Variants in RBP7 observed in about 807,000 individuals in gnomAD.
The protein encoded by RBP7 is retinol binding protein 7, also known as retinoid-binding protein 7.
RBP7 carries 13 observed loss-of-function variants against 16.7 expected under a neutral mutation model. The observed-to-expected ratio is 0.78, with a 90% CI of 0.51 to 1.24. The LOEUF (loss-of-function observed/expected upper bound fraction) is 1.24, where lower values mean the gene tolerates loss of function less well. RBP7 is among the 50% of genes most tolerant of loss of function. The probability of loss-of-function intolerance (pLI) is 0.00; values close to 1 mark genes in which losing one functional copy is unlikely to be tolerated. For missense variants in RBP7, 145 were observed against 159.5 expected, an observed-to-expected ratio of 0.91 and a Z score of 0.49; for synonymous variants, 54 against 56.2, an observed-to-expected ratio of 0.96 and a Z score of 0.17.
chr1:10,012,754 C>T (rs1310975201), intron 3 of RBP7, among the ~76,000 whole-genome samples: 2 of 151,466 alleles, frequency 1.3e-5, no homozygotes, highest in Non-Finnish European at 2.9e-5. Flanking sequence ...GCCAGCATGG[C>T]GAAACCCCGT....
At position 10,015,968 on chromosome 1, in the gene RBP7, A is replaced by G. The variant is rs890160846; in HGVS notation, c.*136A>G. ...GAGAGCCACACAGCGTGTAACCTGA[A>G]GTCATCTAGATTATGGGGAAACTGC... On this transcript the variant is annotated 3_prime_UTR_variant, in exon 4 of 4. Coordinates refer to ENST00000294435, the MANE Select transcript of RBP7 (RefSeq NM_052960.3). 5.6e-6 allele frequency: 4 copies of G among 713,894 alleles called. No individual in the cohort carries two copies. The highest frequency in any genetic ancestry group is 9.7e-6 in the Non-Finnish European group (4 of 410,462). 44.2% of individuals were successfully genotyped at this position (713,894 alleles called of 1,614,324 possible).
intron 2 of RBP7, 47 bp downstream of exon 2, chr1:10,007,795 C>T (rs747383515): frequency 3.0e-5 from 47 of 1,577,368 alleles, no homozygotes; most frequent in Middle Eastern, 1.7e-4. Context: ...GCTTGTAATC[C>T]TAACACTTTG....
At chr1:9,998,407 C>CTTTTTTTTT (rs772810621) in intron 1 of RBP7, among the ~76,000 whole-genome samples, 13 of 121,574 alleles carry the variant, frequency 1.1e-4, no homozygotes, top group African/African-American at 3.0e-4. Context: ...TTCTTTCTTT[C>CTTTTTTTTT]TTTTTTTTTT....
At chr1:10,009,465 A>AAC (rs1302664497) in intron 3 of RBP7, among the ~76,000 whole-genome samples, 1 of 152,146 alleles carries the variant, frequency 6.6e-6, no homozygotes, top group African/African-American at 2.4e-5. Context: ...CCACCCAGGA[A>AAC]ACACAGACTC....
At position 10,008,085 on chromosome 1, in the gene RBP7, G is replaced by A. The variant is rs1265178039; in HGVS notation, c.253-88G>A. 24 of 800,802 alleles carry A rather than the reference G, an allele frequency of 3.0e-5. 1 individual carries two copies. Among genetic ancestry groups the A allele is most frequent in the South Asian group, 2.0e-4 (13 of 65,206 alleles). 49.6% of individuals were successfully genotyped at this position (800,802 alleles called of 1,614,324 possible). A position where few individuals can be genotyped will look rare whatever the true frequency, so the allele number is the denominator to read the frequency against. On this transcript the variant is annotated intron_variant, in intron 2 of 3. Transcript: ENST00000294435. ...AAAAAAAAGCAGTAAGTAGGCTGTT[G>A]ATTTTGCAAGGGTAACTTGGCATTC...
intron 1 of RBP7, among the ~76,000 whole-genome samples, chr1:10,005,465 G>C (rs966653435): frequency 6.6e-6 from 1 of 152,078 alleles, no homozygotes; most frequent in Non-Finnish European, 1.5e-5. Flanking sequence ...GCCTCCAGAA[G>C]TGTTGGGATT....
intron 1 of RBP7, among the ~76,000 whole-genome samples, chr1:9,999,174 G>A (rs1287305308): frequency 6.6e-6 from 1 of 152,102 alleles, no homozygotes; most frequent in Non-Finnish European, 1.5e-5. Flanking sequence ...TGTAAGACGT[G>A]CCTTTTGCCT....
chr1:10,010,210 G>T, intron 3 of RBP7, among the ~76,000 whole-genome samples: 1 of 152,194 alleles, frequency 6.6e-6, no homozygotes, highest in African/African-American at 2.4e-5. Flanking sequence ...CTGCCTTCTG[G>T]GTTCAAGCAA....
rs775981100 is a variant in RBP7 at position 9,997,265 on chromosome 1, G to C, written c.7G>C (p.Ala3Pro). The change falls in exon 1 of 4, where the codon GCC becomes CCC. Residue 3 changes from alanine to proline, a missense_variant. By Grantham distance (27) the Ala-to-Pro change is conservative. Coordinates refer to ENST00000294435, the MANE Select transcript of RBP7 (RefSeq NM_052960.3). The surrounding 1 kb of genome is among the most constrained non-coding windows in gnomAD (Gnocchi z 5.9). MP[A>P]DLSGTWTLLS... ...TGTCCCGCGATCCCCGACCATGCCC[G>C]CCGACCTCAGCGGTACTTGGACCCT... is the stretch of plus-strand genomic sequence containing the variant. 3 of 1,457,794 alleles carry C rather than the reference G, an allele frequency of 2.1e-6. No individual in the cohort carries two copies. The South Asian group carries it at 3.4e-5, about 16-fold the overall frequency. 90.3% of individuals were successfully genotyped at this position (1,457,794 alleles called of 1,614,324 possible). A position where few individuals can be genotyped will look rare whatever the true frequency, so the allele number is the denominator to read the frequency against.
At chr1:10,003,493 G>T (rs1267749570) in intron 1 of RBP7, among the ~76,000 whole-genome samples, 1 of 152,148 alleles carries the variant, frequency 6.6e-6, no homozygotes, top group Non-Finnish European at 1.5e-5. Context: ...GTAACTAGAA[G>T]TGGGTATAAA....
rs141424928 is a variant in RBP7, at chr1:10,008,245, C to T, written c.325C>T (p.His109Tyr). ...KGEKKNRGWT[H>Y]WIEGDKLHLE... Reference sequence around the variant, plus strand: ...AGAAAAGAAGAACAGAGGCTGGACCCATTGGATCGAAGGAGACAAACTCCA... The same window carrying T: ...AGAAAAGAAGAACAGAGGCTGGACCTATTGGATCGAAGGAGACAAACTCCA... Residue 109 changes from histidine to tyrosine, a missense_variant, in exon 3 of 4, where the codon CAT (histidine) becomes TAT (tyrosine). Physicochemically the swap from His to Tyr is moderately conservative, Grantham distance 83. Coordinates refer to ENST00000294435, the MANE Select transcript of RBP7 (RefSeq NM_052960.3). 13 of 1,612,024 alleles carry T rather than the reference C, an allele frequency of 8.1e-6. No homozygotes were observed. Among genetic ancestry groups the T allele is most frequent in the Middle Eastern group, 3.3e-4 (2 of 6,084 alleles).
At chr1:10,003,460 A>G (rs1181401147) in intron 1 of RBP7, among the ~76,000 whole-genome samples, 1 of 152,126 alleles carries the variant, frequency 6.6e-6, no homozygotes, top group Non-Finnish European at 1.5e-5. Context: ...ACAAAAACAA[A>G]AAAACCACCC....
chr1:10,004,478 C>A (rs547426063), intron 1 of RBP7, among the ~76,000 whole-genome samples: 1 of 151,710 alleles, frequency 6.6e-6, no homozygotes, highest in Non-Finnish European at 1.5e-5. Context: ...CAGGTTCAAG[C>A]GACTCTCCTG....
chr1:10,007,712 T>G lies in RBP7; in HGVS notation c.216T>G (p.Asp72Glu). 1 of 1,613,850 alleles carries G rather than the reference T, an allele frequency of 6.2e-7. No individual in the cohort carries two copies. Among genetic ancestry groups the G allele is most frequent in the South Asian group, 1.1e-5 (1 of 91,048 alleles). ...AATTTAAAGTTGGAGAAGAATTTGA[T>G]GAAGATAACAGAGGCCTGGACAACA... ...FVKFKVGEEFDEDNRGLDNRK... is the reference protein window; with the variant it reads ...FVKFKVGEEFEEDNRGLDNRK... Residue 72 changes from aspartate (D) to glutamate (E), a missense_variant, in exon 2 of 4, where the codon GAT becomes GAG. Transcript: ENST00000294435.
At position 10,007,539 on chromosome 1, in the gene RBP7, T is replaced by C. The variant is rs532924119; in HGVS notation, c.74-31T>C. On this transcript the variant is annotated intron_variant, in intron 1 of 3. Transcript: ENST00000294435. ...TCTTCACTTTTGTATCTCAAGCGAA[T>C]GTTCAAATATTTTTAAAAATTATTT... is the stretch of plus-strand genomic sequence containing the variant. The C allele has an allele frequency of 1.0e-5, 15 of 1,465,986 alleles. No homozygotes were observed. In the Admixed American group the frequency reaches 2.5e-4, roughly 25 times the overall value. The allele number at this position is 1,465,986 out of a possible 1,614,324, so 90.8% of individuals were successfully genotyped here.
intron 3 of RBP7, among the ~76,000 whole-genome samples, chr1:10,014,548 G>A (rs1313791437): frequency 5.3e-5 from 8 of 151,790 alleles, no homozygotes; most frequent in East Asian, 1.9e-4. Context: ...CACCACACCC[G>A]GCTAATTTTT....
At chr1:10,002,083 C>G (rs1309361725) in intron 1 of RBP7, among the ~76,000 whole-genome samples, 1 of 152,038 alleles carries the variant, frequency 6.6e-6, no homozygotes. Flanking sequence ...CTGCCTCGGC[C>G]TCCTAAAGTG....
rs148369767 is a variant in RBP7, at chr1:10,000,441, C to T, written c.73+3110C>T. ...CCCAGCTAATTGGGAGGCTGAGGCACGAGAATCGCTTGAACCTGAGAGGTG... is the reference window on the plus strand; with the variant it reads ...CCCAGCTAATTGGGAGGCTGAGGCATGAGAATCGCTTGAACCTGAGAGGTG... On this transcript the variant is annotated intron_variant, in intron 1 of 3. Transcript: ENST00000294435. 7.8e-3 allele frequency among the ~76,000 whole-genome samples: 1,158 copies of T among 148,264 alleles called. 17 individuals carry two copies. Among genetic ancestry groups the T allele is most frequent in the African/African-American group, 0.028 (1,116 of 40,318 alleles).
chr1:10,002,458 C>T lies in RBP7; in HGVS notation c.74-5112C>T, dbSNP rs186692546. Reference sequence around the variant, plus strand: ...TGTTGAGGTTCTAGTAAGTGTGGACCTGGCAGAAAGTGACCAGAACTTATG... The same window carrying T: ...TGTTGAGGTTCTAGTAAGTGTGGACTTGGCAGAAAGTGACCAGAACTTATG... On this transcript the variant is annotated intron_variant, in intron 1 of 3. Transcript: ENST00000294435. Among the ~76,000 whole-genome samples the T allele has an allele frequency of 2.4e-4, 36 of 151,970 alleles. No individual in the cohort carries two copies. In the East Asian group the frequency reaches 5.0e-3, roughly 21 times the overall value.
Sources: allele counts gnomAD v4.1 joint callset (sites outside exome capture counted in the v4.1 genomes callset), GRCh38; gene constraint gnomAD v4.1.1; non-coding constraint Gnocchi (gnomAD v3.1); transcripts MANE v1.5; gene names NCBI Gene and HGNC (gene_info 2026-07-23, HGNC 2026-07-21).